PKIB: variants seen among roughly 807,000 people sequenced by gnomAD.
The protein encoded by PKIB is PKI-beta.
In PKIB, 2 loss-of-function variants were observed where a neutral mutation model predicts 4.5. That is an observed-to-expected ratio of 0.44 (90% CI 0.18 to 1.39). The LOEUF is 1.39. Among genes scored for constraint, PKIB ranks in the 40% most tolerant of loss-of-function variants. PKIB has a pLI of 0.27. For missense variants in PKIB, 94 were observed against 92.6 expected (o/e 1.02, Z -0.06); for synonymous variants, 38 against 36.0 (o/e 1.06, Z -0.20).
chr6:122,713,380 C>A (rs1418119652), intron 3 of PKIB, among the ~76,000 whole-genome samples: 1 of 152,090 alleles, frequency 6.6e-6, no homozygotes, highest in Admixed American at 6.6e-5. Context: ...ACATAATTAG[C>A]TATTTAAGCC....
At chr6:122,706,511 T>G (rs533633242) in intron 3 of PKIB, among the ~76,000 whole-genome samples, 2 of 152,150 alleles carry the variant, frequency 1.3e-5, no homozygotes, top group Admixed American at 6.6e-5. Context: ...GAGGACTGAG[T>G]CTGTGCTCAA....
chr6:122,714,634 T>C (rs1008065271), intron 3 of PKIB, among the ~76,000 whole-genome samples: 2 of 152,144 alleles, frequency 1.3e-5, no homozygotes, highest in Admixed American at 1.3e-4. Context: ...AGGGCCACTT[T>C]TTAGAAGTTC....
chr6:122,676,952 C>T (rs1268671322), intron 3 of PKIB, among the ~76,000 whole-genome samples: 4 of 152,174 alleles, frequency 2.6e-5, no homozygotes, highest in Non-Finnish European at 4.4e-5. Context: ...TTAACCTATA[C>T]TGTACCCGTG....
intron 2 of PKIB, among the ~76,000 whole-genome samples, chr6:122,564,780 G>C (rs1411995995): frequency 1.3e-5 from 2 of 151,998 alleles, no homozygotes; most frequent in African/African-American, 4.8e-5. Flanking sequence ...TTTGGTGGCT[G>C]CTGTAGGTTA....
chr6:122,545,027 A>G (rs1022618831), intron 2 of PKIB, among the ~76,000 whole-genome samples: 2 of 152,092 alleles, frequency 1.3e-5, no homozygotes, highest in African/African-American at 4.8e-5. Context: ...CAGAATACTT[A>G]TATACTGCTC....
intron 1 of PKIB, among the ~76,000 whole-genome samples, chr6:122,613,142 A>T (rs369085241): frequency 6.6e-6 from 1 of 152,194 alleles, no homozygotes; most frequent in Admixed American, 6.5e-5. Context: ...ATTAATGTCA[A>T]TTGAAAATGA....
intron 2 of PKIB, among the ~76,000 whole-genome samples, chr6:122,576,331 A>G (rs1773528687): frequency 6.8e-6 from 1 of 147,036 alleles, no homozygotes; most frequent in Admixed American, 6.9e-5. Flanking sequence ...TGATGATTAC[A>G]TGGTTCTTTT....
At chr6:122,523,785 G>GAA (rs764182434) in intron 2 of PKIB, among the ~76,000 whole-genome samples, 1 of 138,924 alleles carries the variant, frequency 7.2e-6, no homozygotes, top group African/African-American at 2.6e-5. Context: ...TCGGTATCAA[G>GAA]AAAAAAAAAA....
In PKIB at chr6:122,682,137, C is replaced by CT. The variant is rs879784612; in HGVS notation, c.-9+7005dup. 4.3e-3 allele frequency among the ~76,000 whole-genome samples: 629 copies of CT among 146,492 alleles called. 3 individuals carry two copies. Among genetic ancestry groups the CT allele is most frequent in the African/African-American group, 6.7e-3 (271 of 40,194 alleles). On this transcript the variant is annotated intron_variant, in intron 3 of 4. Transcript: ENST00000368452. ...GAGAAATAGATTAGATAAACACTAA[C>CT]TTTTTTTTTTTTAGCTCGAATAGTC...
rs1179723820 is a variant in PKIB at position 122,476,363 on chromosome 6, A to T, written c.-336-1488A>T. ...TATAAACTTAGAATTGGAAGAGACC[A>T]TATTCTGATTAAAGACATGCTTTTA... On this transcript the variant is annotated intron_variant, in intron 1 of 6. Transcript: ENST00000392491. Among the ~76,000 whole-genome samples, 3 of 152,218 alleles carry T rather than the reference A, an allele frequency of 2.0e-5. No individual in the cohort carries two copies. In the East Asian group the frequency reaches 5.8e-4, roughly 29 times the overall value.
intron 2 of PKIB, among the ~76,000 whole-genome samples, chr6:122,499,996 G>A (rs573598251): frequency 1.7e-4 from 26 of 152,252 alleles, no homozygotes; most frequent in African/African-American, 6.3e-4. Context: ...AACAAAGGAG[G>A]TGAATGATAT....
chr6:122,509,276 A>T (rs1776515606), intron 2 of PKIB, among the ~76,000 whole-genome samples: 1 of 152,196 alleles, frequency 6.6e-6, no homozygotes, highest in Non-Finnish European at 1.5e-5. Context: ...GATAATGATT[A>T]TTAATACATT....
chr6:122,532,798 G>A (rs1777297717), intron 2 of PKIB, among the ~76,000 whole-genome samples: 1 of 151,694 alleles, frequency 6.6e-6, no homozygotes, highest in South Asian at 2.1e-4. Flanking sequence ...CTATTCTTTT[G>A]GCTACTATGA....
chr6:122,708,690 G>A (rs537244585), intron 3 of PKIB, among the ~76,000 whole-genome samples: 1 of 152,258 alleles, frequency 6.6e-6, no homozygotes, highest in East Asian at 1.9e-4. Context: ...CTGGAGTGTA[G>A]TAGCGTGATC....
intron 1 of PKIB, among the ~76,000 whole-genome samples, chr6:122,628,381 A>G (rs1362046031): frequency 6.6e-6 from 1 of 152,208 alleles, no homozygotes; most frequent in Non-Finnish European, 1.5e-5. Flanking sequence ...GCCATGTCTT[A>G]TGATTACATA....
intron 3 of PKIB, among the ~76,000 whole-genome samples, chr6:122,593,987 A>C (rs1582721516): frequency 6.6e-6 from 1 of 152,234 alleles, no homozygotes; most frequent in African/African-American, 2.4e-5. Context: ...CCCTTTGTCA[A>C]CCTGAACCCA....
intron 2 of PKIB, among the ~76,000 whole-genome samples, chr6:122,536,722 C>T (rs953024442): frequency 4.6e-5 from 7 of 151,096 alleles, no homozygotes; most frequent in African/African-American, 1.7e-4. Flanking sequence ...AAACTATGTA[C>T]CAGTTGACAT....
intron 2 of PKIB, among the ~76,000 whole-genome samples, chr6:122,641,522 A>G (rs1194694723): frequency 6.6e-6 from 1 of 152,200 alleles, no homozygotes; most frequent in East Asian, 1.9e-4. Context: ...GGCAAACCAC[A>G]ATGAAGGATC....
chr6:122,665,034 A>T (rs139526073), intron 2 of PKIB, among the ~76,000 whole-genome samples: 2 of 152,342 alleles, frequency 1.3e-5, no homozygotes, highest in African/African-American at 2.4e-5. Flanking sequence ...GTACAGCCTA[A>T]TACAGTGAAC....
Sources: gnomAD v4.1 joint callset for allele counts (sites outside exome capture counted in the v4.1 genomes callset) on GRCh38, gnomAD v4.1.1 for gene constraint, MANE v1.5 for transcripts, NCBI Gene and HGNC (gene_info 2026-07-23, HGNC 2026-07-21) for gene names.